The following SMYD2 variants were observed in gnomAD, a reference collection of about 807,000 sequenced individuals.
SMYD2 encodes the protein SET and MYND domain containing 2.
In SMYD2, 53 loss-of-function variants were observed where a neutral mutation model predicts 59.1. The observed-to-expected ratio is 0.90, with a 90% CI of 0.72 to 1.13. The LOEUF is 1.13. Ranked by LOEUF, SMYD2 falls within the 50% of genes most tolerant of loss-of-function variation. SMYD2 has a pLI of 0.00. For missense variants in SMYD2, 494 were observed against 544.7 expected (o/e 0.91, Z 0.93); for synonymous variants, 208 against 198.8 (o/e 1.05, Z -0.39).
chr1:214,293,794 C>T (rs997415167), intron 1 of SMYD2, among the ~76,000 whole-genome samples: 7 of 152,140 alleles, frequency 4.6e-5, no homozygotes, highest in East Asian at 1.9e-4. Context: ...CTCCTGCCTC[C>T]GCCTCCCGAG....
chr1:214,294,987 T>C (rs1021834373), intron 1 of SMYD2, among the ~76,000 whole-genome samples: 3 of 152,158 alleles, frequency 2.0e-5, no homozygotes, highest in Admixed American at 1.3e-4. Context: ...TCTAATAATA[T>C]TGGTATTCAT....
intron 7 of SMYD2, among the ~76,000 whole-genome samples, chr1:214,329,797 C>T (rs531587101): frequency 5.1e-4 from 77 of 152,312 alleles, no homozygotes; most frequent in African/African-American, 1.5e-3. Flanking sequence ...GAAGCATTTG[C>T]GCCGTCTCAG....
At chr1:214,294,153 A>T (rs1298616440) in intron 1 of SMYD2, among the ~76,000 whole-genome samples, 1 of 152,204 alleles carries the variant, frequency 6.6e-6, no homozygotes, top group Non-Finnish European at 1.5e-5. Flanking sequence ...CCGTTCAGAG[A>T]AATACAAATG....
intron 1 of SMYD2, among the ~76,000 whole-genome samples, chr1:214,284,356 GT>G (rs1467283651): frequency 3.8e-4 from 51 of 134,676 alleles, no homozygotes; most frequent in African/African-American, 1.3e-3. Flanking sequence ...CACCTCCCCG[GT>G]TCAAGCAATT....
chr1:214,329,996 C>T (rs1014784525), intron 7 of SMYD2, among the ~76,000 whole-genome samples, 172 bp from the exon 8 acceptor site: 1 of 152,226 alleles, frequency 6.6e-6, no homozygotes, highest in Non-Finnish European at 1.5e-5. Context: ...AAGCCAACGT[C>T]AGGTGGCTGC....
intron 1 of SMYD2, among the ~76,000 whole-genome samples, chr1:214,294,569 G>T (rs185929161): frequency 3.3e-5 from 5 of 152,282 alleles, no homozygotes; most frequent in Admixed American, 1.3e-4. Flanking sequence ...CTGCTTGGAG[G>T]CTGAGGCAGG....
intron 5 of SMYD2, among the ~76,000 whole-genome samples, chr1:214,321,406 C>T (rs1657170299): frequency 6.6e-6 from 1 of 152,096 alleles, no homozygotes; most frequent in African/African-American, 2.4e-5. Flanking sequence ...AATACACACA[C>T]ATATAATTTT....
intron 2 of SMYD2, among the ~76,000 whole-genome samples, chr1:214,311,558 G>A (rs1330073626): frequency 6.6e-6 from 1 of 152,158 alleles, no homozygotes; most frequent in Non-Finnish European, 1.5e-5. Context: ...TGAGTCCCAG[G>A]TCAGCAGCCC....
Position 214,336,829 on chromosome 1 carries a change from A to T in SMYD2, c.*45A>T, listed in dbSNP as rs1185962002. ...TTTCATTTAAACACTTAGTTCAGAAACCTTAAAGGATTTGAATATTTCAAA... is the reference window on the plus strand; with the variant it reads ...TTTCATTTAAACACTTAGTTCAGAATCCTTAAAGGATTTGAATATTTCAAA... On this transcript the variant is annotated 3_prime_UTR_variant, in exon 12 of 12. Transcript: ENST00000366957. 1 of 1,525,888 alleles carries T rather than the reference A, an allele frequency of 6.6e-7. No homozygotes were observed. The highest frequency in any genetic ancestry group is 1.1e-5 in the South Asian group (1 of 87,002). 94.5% of individuals were successfully genotyped at this position (1,525,888 alleles called of 1,614,324 possible).
At chr1:214,308,708 G>A (rs1178155854) in intron 2 of SMYD2, among the ~76,000 whole-genome samples, 1 of 152,190 alleles carries the variant, frequency 6.6e-6, no homozygotes, top group Non-Finnish European at 1.5e-5. Flanking sequence ...GCAGATGGTG[G>A]AGTTGGGATG....
At chr1:214,335,020 A>G (rs1485214994) in intron 11 of SMYD2, among the ~76,000 whole-genome samples, 1 of 152,188 alleles carries the variant, frequency 6.6e-6, no homozygotes, top group Admixed American at 6.5e-5. Context: ...CCCTCACATC[A>G]TGGGAGGTCA....
At chr1:214,313,672 C>A (rs985942438) in intron 2 of SMYD2, among the ~76,000 whole-genome samples, 3 of 152,060 alleles carry the variant, frequency 2.0e-5, no homozygotes, top group Non-Finnish European at 4.4e-5. Context: ...TCACATTCTC[C>A]GTCCTCTCAC....
At chr1:214,303,766 A>G (rs1656863600) in intron 1 of SMYD2, among the ~76,000 whole-genome samples, 1 of 152,170 alleles carries the variant, frequency 6.6e-6, no homozygotes, top group Non-Finnish European at 1.5e-5. Context: ...GTATATCCGT[A>G]TTATAAGATG....
At chr1:214,335,703 CT>C (rs1269101118) in intron 11 of SMYD2, among the ~76,000 whole-genome samples, 1 of 152,162 alleles carries the variant, frequency 6.6e-6, no homozygotes, top group East Asian at 1.9e-4. Context: ...ATTAACAACC[CT>C]GAGAGGTAGG....
At chr1:214,314,975 CCTTAGA>C in intron 3 of SMYD2, 103 bp downstream of exon 3, 2 of 817,536 alleles carry the variant, frequency 2.4e-6, no homozygotes, top group Non-Finnish European at 4.1e-6. Flanking sequence ...CGTTAAACAT[CCTTAGA>C]CTACATTTCC....
chr1:214,288,873 C>T (rs1220058771), intron 1 of SMYD2, among the ~76,000 whole-genome samples: 1 of 150,784 alleles, frequency 6.6e-6, no homozygotes, highest in Non-Finnish European at 1.5e-5. Flanking sequence ...GTCATCTCAG[C>T]CTTTATACCT....
At chr1:214,326,419 G>T (rs1351288583) in intron 6 of SMYD2, among the ~76,000 whole-genome samples, 1 of 152,058 alleles carries the variant, frequency 6.6e-6, no homozygotes, top group Non-Finnish European at 1.5e-5. Flanking sequence ...CCGCAAGATG[G>T]TTTTAGAAAT....
rs1657344858 is a variant in SMYD2, at chr1:214,331,053, G to A, written c.920G>A (p.Arg307Lys). 1 of 1,614,212 alleles carries A rather than the reference G, an allele frequency of 6.2e-7. No homozygotes were observed. The part of the protein sequence containing the change: ...YARNVIEEFR[R>K]AKHYKSPSEL... The stretch of plus-strand genomic sequence containing the variant: ...CGCAACGTCATTGAAGAGTTCCGGA[G>A]GGCCAAGCACTATAAATATATCCTT... The change falls in exon 9 of 12, where the codon AGG becomes AAG. Residue 307 changes from arginine (R) to lysine (K), a missense_variant. Arg to Lys is a conservative substitution (Grantham distance 26). Coordinates refer to ENST00000366957, the MANE Select transcript of SMYD2 (RefSeq NM_020197.3).
chr1:214,305,057 A>G (rs2102463223), intron 1 of SMYD2, 130 bp from the exon 2 acceptor site: 1 of 814,160 alleles, frequency 1.2e-6, no homozygotes, highest in Non-Finnish European at 2.1e-6. Context: ...GCACCTTCTC[A>G]GTGGGAGAGT....
Sources: gnomAD v4.1 joint callset for allele counts (sites outside exome capture counted in the v4.1 genomes callset) on GRCh38, gnomAD v4.1.1 for gene constraint, MANE v1.5 for transcripts, NCBI Gene and HGNC (gene_info 2026-07-23, HGNC 2026-07-21) for gene names.